Variants in UBASH3B observed in about 807,000 individuals in gnomAD.
UBASH3B encodes the protein ubiquitin-associated and SH3 domain-containing protein B.
Under a neutral mutation model 83.4 loss-of-function variants are expected in UBASH3B, and 37 were observed. That is an observed-to-expected ratio of 0.44 (90% CI 0.34 to 0.58). The LOEUF (loss-of-function observed/expected upper bound fraction) is 0.58, where lower values mean the gene tolerates loss of function less well. UBASH3B is among the 20% of genes least tolerant of loss of function. The probability of loss-of-function intolerance (pLI) is 0.01; values close to 1 mark genes in which losing one functional copy is unlikely to be tolerated. For missense variants in UBASH3B, 657 were observed against 827.2 expected (o/e 0.79, Z 2.52); for synonymous variants, 304 against 318.3 (o/e 0.96, Z 0.48).
At chr11:122,712,242 G>T (rs1864203595) in intron 1 of UBASH3B, among the ~76,000 whole-genome samples, 1 of 152,194 alleles carries the variant, frequency 6.6e-6, no homozygotes, top group South Asian at 2.1e-4. Context: ...TGGAAGATAA[G>T]TTTATGAGCA....
At chr11:122,659,749 C>T (rs1437999059) in intron 1 of UBASH3B, among the ~76,000 whole-genome samples, 1 of 152,258 alleles carries the variant, frequency 6.6e-6, no homozygotes. Context: ...ATGGTTGTCT[C>T]AAACCTGGCC....
At chr11:122,786,815 T>A (rs924170018) in intron 5 of UBASH3B, among the ~76,000 whole-genome samples, 9 of 152,210 alleles carry the variant, frequency 5.9e-5, no homozygotes, top group Non-Finnish European at 1.2e-4. Context: ...GGGACATGGG[T>A]CCCAGTTGTA....
At position 122,745,171 on chromosome 11, in the gene UBASH3B, T is replaced by C. The variant is rs149544243; in HGVS notation, c.162-31048T>C. ...TCTCAGCTTGTATCTTTTTTTTCTC[T>C]CAAACTTTAAAACAAATAATTTCTT... On this transcript the variant is annotated intron_variant, in intron 1 of 13. Coordinates refer to ENST00000284273, the MANE Select transcript of UBASH3B (RefSeq NM_032873.5). Among the ~76,000 whole-genome samples the C allele has an allele frequency of 5.0e-3, 766 of 152,230 alleles. 4 individuals are homozygous for C. Among genetic ancestry groups the C allele is most frequent in the African/African-American group, 0.018 (728 of 41,518 alleles).
chr11:122,744,901 G>A (rs1249992726), intron 1 of UBASH3B, among the ~76,000 whole-genome samples: 2 of 103,270 alleles, frequency 1.9e-5, no homozygotes, highest in African/African-American at 6.3e-5. Flanking sequence ...GTGTGTGTGC[G>A]CGCGCGCGCG....
intron 1 of UBASH3B, among the ~76,000 whole-genome samples, chr11:122,689,471 G>A (rs1240066342): frequency 6.6e-6 from 1 of 152,146 alleles, no homozygotes; most frequent in Non-Finnish European, 1.5e-5. Context: ...TTTCGCTTTT[G>A]TAAAATGGAG....
chr11:122,688,990 G>T (rs1186861504), intron 1 of UBASH3B, among the ~76,000 whole-genome samples: 2 of 136,656 alleles, frequency 1.5e-5, no homozygotes, highest in African/African-American at 5.5e-5. Context: ...GGGGGGGGGG[G>T]GGTTCCACCA....
intron 6 of UBASH3B, among the ~76,000 whole-genome samples, chr11:122,790,356 G>T (rs1861031314): frequency 6.6e-6 from 1 of 151,730 alleles, no homozygotes; most frequent in Non-Finnish European, 1.5e-5. Context: ...CCCTCACTCT[G>T]CTCCCACCTC....
chr11:122,660,190 T>C (rs1437479171), intron 1 of UBASH3B, among the ~76,000 whole-genome samples: 1 of 152,138 alleles, frequency 6.6e-6, no homozygotes, highest in African/African-American at 2.4e-5. Context: ...TCCATTCCAC[T>C]ATATGAACTT....
At chr11:122,661,436 G>T (rs1863436247) in intron 1 of UBASH3B, among the ~76,000 whole-genome samples, 1 of 152,114 alleles carries the variant, frequency 6.6e-6, no homozygotes, top group African/African-American at 2.4e-5. Flanking sequence ...AGAACACTTG[G>T]CCAACCCAAC....
chr11:122,802,281 C>CTCCA (rs2135184609), intron 11 of UBASH3B, among the ~76,000 whole-genome samples: 1 of 141,502 alleles, frequency 7.1e-6, no homozygotes, highest in East Asian at 2.2e-4. Context: ...TGCCACTGCA[C>CTCCA]TCCAGCCTGG....
intron 1 of UBASH3B, chr11:122,727,687 T>C (rs758513027): frequency 7.2e-5 from 11 of 152,374 alleles, no homozygotes; most frequent in Admixed American, 6.5e-4. Flanking sequence ...TTCCTGGAAG[T>C]CTTTTCTTGA....
chr11:122,794,580 C>T lies in UBASH3B; in HGVS notation c.981-122C>T, dbSNP rs890380006. 24 of 1,232,432 alleles carry T rather than the reference C, an allele frequency of 1.9e-5. No individual in the cohort carries two copies. The Admixed American group carries it at 4.6e-4, about 24-fold the overall frequency. The allele number at this position is 1,232,432 out of a possible 1,614,324, so 76.3% of individuals were successfully genotyped here. A position where few individuals can be genotyped will look rare whatever the true frequency, so the allele number is the denominator to read the frequency against. The stretch of plus-strand genomic sequence containing the variant: ...AATGAGGCCACTCCTGCTCAGCATC[C>T]CCCATCATTGTGCTACCCACAGAGG... On this transcript the variant is annotated intron_variant, in intron 6 of 13. Coordinates refer to ENST00000284273, the MANE Select transcript of UBASH3B (RefSeq NM_032873.5).
At chr11:122,684,090 A>G (rs552950375) in intron 1 of UBASH3B, among the ~76,000 whole-genome samples, 5 of 152,314 alleles carry the variant, frequency 3.3e-5, no homozygotes, top group South Asian at 2.1e-4. Context: ...TACAGCACAC[A>G]TTCTTATAGA....
At chr11:122,765,001 G>C (rs907058606) in intron 1 of UBASH3B, among the ~76,000 whole-genome samples, 4 of 148,572 alleles carry the variant, frequency 2.7e-5, no homozygotes, top group Admixed American at 2.0e-4. Context: ...AAGCAAGTCA[G>C]TTCTGCTGCA....
intron 1 of UBASH3B, among the ~76,000 whole-genome samples, chr11:122,700,710 T>C (rs951897400): frequency 2.6e-5 from 4 of 152,192 alleles, no homozygotes; most frequent in Admixed American, 6.5e-5. Flanking sequence ...TTGGTCAAGC[T>C]GGTCTTGAAC....
chr11:122,708,202 G>A (rs1864149261), intron 1 of UBASH3B, among the ~76,000 whole-genome samples: 1 of 151,820 alleles, frequency 6.6e-6, no homozygotes. Context: ...ACATGCTAGA[G>A]AAGAGAGGCT....
Position 122,813,245 on chromosome 11 carries a change from T to C in UBASH3B, c.*3359T>C, listed in dbSNP as rs1364532148. ...ATTACCATAAGTGTGTCTTTTCCAC[T>C]CAACTAGCTGTATTCGTATTAAAAT... On this transcript the variant is annotated 3_prime_UTR_variant, in exon 14 of 14. Coordinates refer to ENST00000284273, the MANE Select transcript of UBASH3B (RefSeq NM_032873.5). 1 of 152,234 alleles carries C rather than the reference T, an allele frequency of 6.6e-6. No homozygotes were observed. The highest frequency in any genetic ancestry group is 1.5e-5 in the Non-Finnish European group (1 of 68,036). 9.4% of individuals were successfully genotyped at this position (152,234 alleles called of 1,614,324 possible). A position where few individuals can be genotyped will look rare whatever the true frequency, so the allele number is the denominator to read the frequency against.
chr11:122,760,771 A>C (rs1222354017), intron 1 of UBASH3B, among the ~76,000 whole-genome samples: 1 of 152,264 alleles, frequency 6.6e-6, no homozygotes, highest in African/African-American at 2.4e-5. Flanking sequence ...TGCCATGCTA[A>C]GGAGTCTAAA....
intron 5 of UBASH3B, 50 bp downstream of exon 5, chr11:122,783,272 A>C (rs143620480): frequency 1.3e-6 from 2 of 1,589,524 alleles, no homozygotes; most frequent in African/African-American, 2.7e-5. Context: ...GGATGCAATC[A>C]GAATCAGCAG....
Sources: gnomAD v4.1 joint callset for allele counts (sites outside exome capture counted in the v4.1 genomes callset) on GRCh38, gnomAD v4.1.1 for gene constraint, MANE v1.5 for transcripts, NCBI Gene and HGNC (gene_info 2026-07-23, HGNC 2026-07-21) for gene names.